The following INPP4A variants were observed in gnomAD, a reference collection of about 807,000 sequenced individuals.
INPP4A encodes the protein inositol polyphosphate-4-phosphatase type I A, also known as inositol polyphosphate-4-phosphatase, type I, 107kD.
In INPP4A, 33 loss-of-function variants were observed where a neutral mutation model predicts 119.8. The observed-to-expected ratio is 0.28, with a 90% CI of 0.21 to 0.37. The LOEUF is 0.37. Among genes scored for constraint, INPP4A ranks in the 10% least tolerant of loss-of-function variants. The pLI, the probability that INPP4A is intolerant of heterozygous loss-of-function variation, is 1.00. For missense variants in INPP4A, 956 were observed against 1,289.9 expected (o/e 0.74, Z 3.97); for synonymous variants, 496 against 500.7 (o/e 0.99, Z 0.12).
intron 1 of INPP4A, among the ~76,000 whole-genome samples, chr2:98,497,037 G>C (rs1413322074): frequency 1.3e-5 from 2 of 152,224 alleles, no homozygotes; most frequent in Non-Finnish European, 2.9e-5. Context: ...AGGAAAGAGA[G>C]GGAGTTAGGT....
chr2:98,464,371 G>A (rs1379589645), intron 1 of INPP4A, among the ~76,000 whole-genome samples: 1 of 152,166 alleles, frequency 6.6e-6, no homozygotes, highest in East Asian at 1.9e-4. Flanking sequence ...GGTGGGTTTC[G>A]ACACTTGGGA....
chr2:98,472,664 G>T (rs1027392312), intron 1 of INPP4A, among the ~76,000 whole-genome samples: 23 of 152,364 alleles, frequency 1.5e-4, no homozygotes, highest in African/African-American at 5.3e-4. Context: ...CTCACTGAGG[G>T]TCTGTGGTGG....
At position 98,566,015 on chromosome 2, in the gene INPP4A, C is replaced by T. The variant is rs1276760939; in HGVS notation, c.2280-14C>T. 3.1e-6 allele frequency: 5 copies of T among 1,602,674 alleles called. No individual in the cohort carries two copies. The highest frequency in any genetic ancestry group is 4.3e-6 in the Non-Finnish European group (5 of 1,174,846). On this transcript the variant is annotated splice_polypyrimidine_tract_variant and intron_variant, in intron 20 of 24. Transcript: ENST00000409851. This position sits in a 1 kb window ranked among gnomAD's most constrained non-coding sequence, Gnocchi z 4.2. Reference sequence around the variant, plus strand: ...TGGCCTCACACTGCTCTCCCTCTCTCCACCTTTCTCCAGCGACGGGTTTAA... The same window carrying T: ...TGGCCTCACACTGCTCTCCCTCTCTTCACCTTTCTCCAGCGACGGGTTTAA...
In INPP4A at chr2:98,533,400, T is replaced by C; in HGVS notation, c.175T>C (p.Ser59Pro). The stretch of plus-strand genomic sequence containing the variant: ...AGCTTGCAGTGAGCTGCATACTCCA[T>C]CGCTAGATCGAAAGCCAAATAGTTT... ...SLACSELHTP[S>P]LDRKPNSFVA... The change falls in exon 5 of 25, where the codon TCG becomes CCG. Residue 59 changes from serine (S) to proline (P), a missense_variant. This residue lies in a region of INPP4A where 652 missense variants were observed against 797.9 expected (regional missense o/e 0.82). Coordinates refer to ENST00000409851, the MANE Select transcript of INPP4A (RefSeq NM_001134225.2). The C allele has an allele frequency of 6.2e-7, 1 of 1,613,242 alleles. No individual in the cohort carries two copies. The highest frequency in any genetic ancestry group is 8.5e-7 in the Non-Finnish European group (1 of 1,179,512).
chr2:98,514,031 C>T (rs554545817), intron 1 of INPP4A, among the ~76,000 whole-genome samples: 1 of 152,308 alleles, frequency 6.6e-6, no homozygotes, highest in South Asian at 2.1e-4. Flanking sequence ...CCATCTGGCC[C>T]TAGGGGACCC....
chr2:98,496,199 C>G (rs142241561), intron 1 of INPP4A, among the ~76,000 whole-genome samples: 3 of 152,094 alleles, frequency 2.0e-5, no homozygotes, highest in Admixed American at 6.5e-5. Context: ...ACTAGATATT[C>G]GGGTTTACTT....
Position 98,448,726 on chromosome 2 carries a change from T to C in INPP4A, c.-166+3641T>C, listed in dbSNP as rs568103268. On this transcript the variant is annotated intron_variant, in intron 1 of 24. Coordinates refer to ENST00000409851, the MANE Select transcript of INPP4A (RefSeq NM_001134225.2). ...CTCTCTCTCTTTTTTTTTTTTTTTT[T>C]TTAAAGAGACAAGGTCTCCCTTCGT... Among the ~76,000 whole-genome samples, 163 of 151,290 alleles carry C rather than the reference T, an allele frequency of 1.1e-3. 2 individuals are homozygous for C. In the East Asian group the frequency reaches 0.03, roughly 28 times the overall value.
intron 16 of INPP4A, among the ~76,000 whole-genome samples, chr2:98,558,349 T>C (rs372699886): frequency 6.6e-5 from 10 of 152,322 alleles, no homozygotes; most frequent in African/African-American, 2.4e-4. Flanking sequence ...AGGCCTCACA[T>C]AACCTGATTA....
At chr2:98,550,180 G>T (rs1277913447) in intron 13 of INPP4A, among the ~76,000 whole-genome samples, 2 of 152,032 alleles carry the variant, frequency 1.3e-5, no homozygotes, top group Non-Finnish European at 2.9e-5. Flanking sequence ...CCCAATCTGG[G>T]CCTGGTCACC....
At position 98,577,187 on chromosome 2, in the gene INPP4A, G is replaced by A. The variant is rs377629044; in HGVS notation, c.2786+44G>A. 5.8e-3 allele frequency: 8,807 copies of A among 1,525,362 alleles called. 37 individuals carry two copies. The highest frequency in any genetic ancestry group is 7.3e-3 in the Non-Finnish European group (8,256 of 1,130,152). 94.5% of individuals were successfully genotyped at this position (1,525,362 alleles called of 1,614,324 possible). On this transcript the variant is annotated intron_variant, in intron 24 of 24. Transcript: ENST00000409851. ...CCGCGCGCCCCGCCTGCCCCGGCCC[G>A]TGTAAACTGCAGATGAGCTGGTACC... is the stretch of plus-strand genomic sequence containing the variant.
In INPP4A at chr2:98,570,305, G is replaced by A. The variant is rs1267517601; in HGVS notation, c.2518+1637G>A. Among the ~76,000 whole-genome samples, 1 of 152,204 alleles carries A rather than the reference G, an allele frequency of 6.6e-6. No homozygotes were observed. Among genetic ancestry groups the A allele is most frequent in the East Asian group, 1.9e-4 (1 of 5,194 alleles). On this transcript the variant is annotated intron_variant, in intron 22 of 24. Coordinates refer to ENST00000409851, the MANE Select transcript of INPP4A (RefSeq NM_001134225.2). This position sits in a 1 kb window ranked among gnomAD's most constrained non-coding sequence, Gnocchi z 4.3. ...ACGAGAAGGGGCTGGAACAGCATCT[G>A]GAGGGGCCCCTGCTCTGGGGGACAG...
rs1430111471 is a variant in INPP4A at position 98,559,447 on chromosome 2, C to T, written c.1823-16C>T. The T allele has an allele frequency of 6.2e-7, 1 of 1,613,856 alleles. No homozygotes were observed. Among genetic ancestry groups the T allele is most frequent in the South Asian group, 1.1e-5 (1 of 91,072 alleles). On this transcript the variant is annotated splice_polypyrimidine_tract_variant and intron_variant, in intron 16 of 24. Coordinates refer to ENST00000409851, the MANE Select transcript of INPP4A (RefSeq NM_001134225.2). ...CTGCTCCTTAATCATCCATGTCGCCCTCCATTTCTGTGCAGATTGCAGTCC... is the reference window on the plus strand; with the variant it reads ...CTGCTCCTTAATCATCCATGTCGCCTTCCATTTCTGTGCAGATTGCAGTCC...
At chr2:98,500,702 T>C (rs1682954120) in intron 1 of INPP4A, among the ~76,000 whole-genome samples, 1 of 152,180 alleles carries the variant, frequency 6.6e-6, no homozygotes. Context: ...ACAGGATTCT[T>C]GCTAAACTGG....
At chr2:98,544,982 C>T (rs1482390346) in intron 11 of INPP4A, among the ~76,000 whole-genome samples, 1 of 152,248 alleles carries the variant, frequency 6.6e-6, no homozygotes, top group Admixed American at 6.5e-5. Context: ...GGAACCCACA[C>T]AACCTTGAGT....
intron 1 of INPP4A, among the ~76,000 whole-genome samples, chr2:98,457,163 C>T (rs1696271296): frequency 6.6e-6 from 1 of 152,176 alleles, no homozygotes; most frequent in Non-Finnish European, 1.5e-5. Context: ...TGTCCCAGCC[C>T]AGACACTCAG....
At chr2:98,446,164 C>T (rs1300296976) in intron 1 of INPP4A, among the ~76,000 whole-genome samples, 1 of 152,202 alleles carries the variant, frequency 6.6e-6, no homozygotes, top group Non-Finnish European at 1.5e-5. Context: ...AGAGCAGAGC[C>T]TTTTTTGCTG....
In INPP4A at chr2:98,448,508, T is replaced by A. The variant is rs145952600; in HGVS notation, c.-166+3423T>A. 2.7e-3 allele frequency among the ~76,000 whole-genome samples: 418 copies of A among 152,310 alleles called. 1 individual carries two copies. The highest frequency in any genetic ancestry group is 9.7e-3 in the African/African-American group (404 of 41,562). On this transcript the variant is annotated intron_variant, in intron 1 of 24. Coordinates refer to ENST00000409851, the MANE Select transcript of INPP4A (RefSeq NM_001134225.2). Reference sequence around the variant, plus strand: ...GTTTTGCATTAAGTTTTTCTGTCTCTGTAGTGTCCTTTAATCTGAAAGTTA... The same window carrying A: ...GTTTTGCATTAAGTTTTTCTGTCTCAGTAGTGTCCTTTAATCTGAAAGTTA...
intron 1 of INPP4A, among the ~76,000 whole-genome samples, chr2:98,509,915 A>C (rs1255818428): frequency 6.6e-6 from 1 of 152,266 alleles, no homozygotes; most frequent in East Asian, 1.9e-4. Context: ...GCTGGGAACC[A>C]AGAAGGACAT....
chr2:98,528,469 G>T (rs1215266549), intron 4 of INPP4A, among the ~76,000 whole-genome samples: 2 of 152,148 alleles, frequency 1.3e-5, no homozygotes, highest in Non-Finnish European at 2.9e-5. Context: ...AGTAAATTGA[G>T]AAGGGGGGAG....
Sources: allele counts gnomAD v4.1 joint callset (sites outside exome capture counted in the v4.1 genomes callset), GRCh38; gene constraint gnomAD v4.1.1; regional missense constraint gnomAD v4.1.1; non-coding constraint Gnocchi (gnomAD v3.1); transcripts MANE v1.5; gene names NCBI Gene and HGNC (gene_info 2026-07-23, HGNC 2026-07-21).